Variants in CNBD1 observed in about 807,000 individuals in gnomAD.
CNBD1 encodes cyclic nucleotide binding domain containing 1.
Under a neutral mutation model 54.4 loss-of-function variants are expected in CNBD1, and 71 were observed. The observed-to-expected ratio is 1.30, with a 90% confidence interval of 1.08 to 1.59. The LOEUF is 1.59. CNBD1 is among the 40% of genes most tolerant of loss of function. The probability of loss-of-function intolerance (pLI) is 0.00; values close to 1 mark genes in which losing one functional copy is unlikely to be tolerated. For missense variants in CNBD1, 659 were observed against 518.0 expected (o/e 1.27, Z -2.64); for synonymous variants, 182 against 170.7 (o/e 1.07, Z -0.51).
intron 4 of CNBD1, among the ~76,000 whole-genome samples, chr8:87,017,735 T>C (rs891225719): frequency 6.6e-6 from 1 of 152,118 alleles, no homozygotes; most frequent in African/African-American, 2.4e-5. Context: ...GATTAAAATA[T>C]ATGTATATAT....
At position 86,992,195 on chromosome 8, in the gene CNBD1, G is replaced by T. The variant is rs1178399856; in HGVS notation, c.431+52441G>T. Among the ~76,000 whole-genome samples the T allele has an allele frequency of 2.6e-5, 4 of 152,036 alleles. No individual in the cohort carries two copies. The South Asian group carries it at 8.3e-4, about 32-fold the overall frequency. On this transcript the variant is annotated intron_variant, in intron 4 of 10. Transcript: ENST00000518476. ...GTTTTATTACTCTGGGTGTTCCAATGTTGGGTGCATATATGTTTAGTATAG... is the reference window on the plus strand; with the variant it reads ...GTTTTATTACTCTGGGTGTTCCAATTTTGGGTGCATATATGTTTAGTATAG...
At chr8:87,390,413 A>G (rs1448319339) in intron 2 of CNBD1, among the ~76,000 whole-genome samples, 1 of 152,096 alleles carries the variant, frequency 6.6e-6, no homozygotes, top group Non-Finnish European at 1.5e-5. Context: ...AAAAAACCCC[A>G]TCAAAAAGTG....
chr8:87,342,022 C>T (rs745588727), intron 8 of CNBD1, among the ~76,000 whole-genome samples: 16 of 152,166 alleles, frequency 1.1e-4, no homozygotes, highest in Non-Finnish European at 2.2e-4. Flanking sequence ...GCCTGTAATC[C>T]TAGCACTTTG....
chr8:87,246,913 A>C (rs187425621), intron 6 of CNBD1, among the ~76,000 whole-genome samples: 76 of 152,196 alleles, frequency 5.0e-4, no homozygotes, highest in African/African-American at 1.7e-3. Flanking sequence ...TGTAGAACCT[A>C]TGGGAGCCCT....
chr8:86,969,791 TATACACACACAC>T (rs1288768827), intron 4 of CNBD1, among the ~76,000 whole-genome samples: 3 of 53,750 alleles, frequency 5.6e-5, no homozygotes, highest in Non-Finnish European at 1.3e-4. Flanking sequence ...TATATATATA[TATACACACACAC>T]ACACACACAC....
intron 8 of CNBD1, among the ~76,000 whole-genome samples, chr8:87,344,128 A>G (rs1324776039): frequency 6.6e-6 from 1 of 152,122 alleles, no homozygotes; most frequent in East Asian, 1.9e-4. Flanking sequence ...TTAGAAAATT[A>G]TCTGTACAAA....
intron 2 of CNBD1, among the ~76,000 whole-genome samples, chr8:87,404,310 G>T (rs1034356574): frequency 1.3e-5 from 2 of 152,018 alleles, no homozygotes; most frequent in Non-Finnish European, 2.9e-5. Flanking sequence ...TTCCAAAAGT[G>T]ATTGGTCATC....
rs62526210 is a variant in CNBD1 at position 86,988,843 on chromosome 8, G to T, written c.431+49089G>T. ...TTCCAGTTCCATCCAAGTTGAAAAC[G>T]ACAGGATCTCATCCTTTTTTATGGC... On this transcript the variant is annotated intron_variant, in intron 4 of 10. Transcript: ENST00000518476. Among the ~76,000 whole-genome samples the T allele has an allele frequency of 2.0e-5, 3 of 152,222 alleles. No homozygotes were observed. In the East Asian group the frequency reaches 5.8e-4, roughly 29 times the overall value.
At chr8:87,034,374 G>A (rs1809861045) in intron 4 of CNBD1, among the ~76,000 whole-genome samples, 1 of 152,200 alleles carries the variant, frequency 6.6e-6, no homozygotes, top group Admixed American at 6.5e-5. Context: ...CTGCTCATGA[G>A]GCAATGGTTA....
chr8:87,326,950 C>T (rs1353503859), intron 8 of CNBD1, among the ~76,000 whole-genome samples: 1 of 128,492 alleles, frequency 7.8e-6, no homozygotes, highest in Non-Finnish European at 1.7e-5. Flanking sequence ...TACTTTTGGT[C>T]TTTGATGATG....
rs111783989 is a variant in CNBD1, at chr8:87,305,566, C to T, written c.1042+18895C>T. Among the ~76,000 whole-genome samples, 506 of 152,118 alleles carry T rather than the reference C, an allele frequency of 3.3e-3. 2 individuals are homozygous for T. The highest frequency in any genetic ancestry group is 0.011 in the African/African-American group (457 of 41,500). Reference sequence around the variant, plus strand: ...TTGGTATAAAAATAGGCACATAGACCCATGGAACAGAATAGAGAACACAGA... The same window carrying T: ...TTGGTATAAAAATAGGCACATAGACTCATGGAACAGAATAGAGAACACAGA... On this transcript the variant is annotated intron_variant, in intron 8 of 10. Transcript: ENST00000518476.
chr8:87,042,164 G>A lies in CNBD1; in HGVS notation c.431+102410G>A, dbSNP rs1810085999. On this transcript the variant is annotated intron_variant, in intron 4 of 10. Transcript: ENST00000518476. ...TGTTTACTAAGAGGAAGATGGGTTG[G>A]CCAAAGGCAGAGTTTTTGGTGTCAG... Among the ~76,000 whole-genome samples the A allele has an allele frequency of 2.6e-5, 4 of 152,164 alleles. No individual in the cohort carries two copies. In the South Asian group the frequency reaches 8.3e-4, roughly 32 times the overall value.
chr8:87,355,752 C>G (rs1356724801), intron 10 of CNBD1, among the ~76,000 whole-genome samples: 2 of 152,060 alleles, frequency 1.3e-5, no homozygotes, highest in African/African-American at 4.8e-5. Context: ...TGACTGAATA[C>G]TGTTATCCTG....
rs769563102 is a variant in CNBD1, at chr8:86,960,441, C to T, written c.431+20687C>T. Among the ~76,000 whole-genome samples, 6 of 152,200 alleles carry T rather than the reference C, an allele frequency of 3.9e-5. No individual in the cohort carries two copies. In the South Asian group the frequency reaches 1.2e-3, roughly 32 times the overall value. On this transcript the variant is annotated intron_variant, in intron 4 of 10. Coordinates refer to ENST00000518476, the MANE Select transcript of CNBD1 (RefSeq NM_173538.3). The stretch of plus-strand genomic sequence containing the variant: ...GGTGGCAGTGAGGCTGGGGGAGGGG[C>T]GTCCACTGTCACTGAGGCTTGAGTA...
At chr8:87,136,623 ATTATAT>A (rs1184788734) in intron 4 of CNBD1, among the ~76,000 whole-genome samples, 4 of 27,992 alleles carry the variant, frequency 1.4e-4, no homozygotes, top group Admixed American at 7.4e-4. Context: ...TAAATTATAT[ATTATAT>A]TTATATTATA....
At chr8:87,055,554 G>T (rs948206845) in intron 4 of CNBD1, among the ~76,000 whole-genome samples, 3 of 152,116 alleles carry the variant, frequency 2.0e-5, no homozygotes, top group Non-Finnish European at 2.9e-5. Context: ...TTCTATGCTG[G>T]ACCTTGCCTG....
At chr8:87,048,189 T>A (rs1245860319) in intron 4 of CNBD1, among the ~76,000 whole-genome samples, 1 of 152,168 alleles carries the variant, frequency 6.6e-6, no homozygotes, top group African/African-American at 2.4e-5. Flanking sequence ...GTCTTCTGGG[T>A]TAAATAAGGG....
At chr8:87,342,440 C>T (rs1401065829) in intron 8 of CNBD1, among the ~76,000 whole-genome samples, 3 of 152,010 alleles carry the variant, frequency 2.0e-5, no homozygotes, top group Non-Finnish European at 4.4e-5. Flanking sequence ...CATTATGAAT[C>T]AGTTATTTTA....
chr8:86,933,066 C>T (rs1299265398), intron 3 of CNBD1, among the ~76,000 whole-genome samples: 2 of 152,086 alleles, frequency 1.3e-5, no homozygotes, highest in Non-Finnish European at 2.9e-5. Context: ...GAGGGCCATA[C>T]CCTGAGGGAG....
Sources: allele counts gnomAD v4.1 joint callset (sites outside exome capture counted in the v4.1 genomes callset), GRCh38; gene constraint gnomAD v4.1.1; transcripts MANE v1.5; gene names NCBI Gene and HGNC (gene_info 2026-07-23, HGNC 2026-07-21).